The following SLC30A5 variants were observed in gnomAD, a reference collection of about 807,000 sequenced individuals.
SLC30A5 encodes the protein proton-coupled zinc antiporter SLC30A5.
A neutral mutation model predicts 79.6 loss-of-function variants in SLC30A5; 33 were observed. The observed-to-expected ratio is 0.41, with a 90% CI of 0.31 to 0.55. SLC30A5 has a LOEUF of 0.55. SLC30A5 is among the 20% of genes least tolerant of loss of function. The pLI is 0.20. For missense variants in SLC30A5, 788 were observed against 928.1 expected, an observed-to-expected ratio of 0.85 and a Z score of 1.96; for synonymous variants, 299 against 319.7, an observed-to-expected ratio of 0.94 and a Z score of 0.69.
At chr5:69,107,499 A>G (rs1452079008) in intron 4 of SLC30A5, among the ~76,000 whole-genome samples, 2 of 152,174 alleles carry the variant, frequency 1.3e-5, no homozygotes, top group Non-Finnish European at 1.5e-5. Flanking sequence ...ATAGTCATTT[A>G]TTATCATTAT....
chr5:69,097,525 T>C (rs1434064155), intron 1 of SLC30A5, among the ~76,000 whole-genome samples: 1 of 152,150 alleles, frequency 6.6e-6, no homozygotes, highest in Non-Finnish European at 1.5e-5. Flanking sequence ...TGGAGTGCAG[T>C]AAAATAATCA....
rs1039979368 is a variant in SLC30A5, at chr5:69,094,035, C to T, written c.-221C>T. On this transcript the variant is annotated 5_prime_UTR_variant, in exon 1 of 16. Coordinates refer to ENST00000396591, the MANE Select transcript of SLC30A5 (RefSeq NM_022902.5). ...CAACGTCCCTACCGCCGCTGCTTCC[C>T]GGGAACCTGGCGCCGCCGGAACTGA... 5 of 391,860 alleles carry T rather than the reference C, an allele frequency of 1.3e-5. No individual in the cohort carries two copies. Among genetic ancestry groups the T allele is most frequent in the Admixed American group, 8.9e-5 (2 of 22,450 alleles). The allele number at this position is 391,860 out of a possible 1,614,324, so 24.3% of individuals were successfully genotyped here.
At position 69,094,073 on chromosome 5, in the gene SLC30A5, C is replaced by T. The variant is rs1253690259; in HGVS notation, c.-183C>T. On this transcript the variant is annotated 5_prime_UTR_variant, in exon 1 of 16. Coordinates refer to ENST00000396591, the MANE Select transcript of SLC30A5 (RefSeq NM_022902.5). ...CCGCCGGAACTGATCGCGGCCTAGT[C>T]CCGACGCGTGTGTGCTAGTGAGCCG... 2.5e-6 allele frequency: 1 copy of T among 401,316 alleles called. No homozygotes were observed. The highest frequency in any genetic ancestry group is 4.4e-6 in the Non-Finnish European group (1 of 225,854). The allele number at this position is 401,316 out of a possible 1,614,324, so 24.9% of individuals were successfully genotyped here. A position where few individuals can be genotyped will look rare whatever the true frequency, so the allele number is the denominator to read the frequency against.
intron 7 of SLC30A5, 108 bp downstream of exon 7, chr5:69,114,604 C>A: frequency 1.3e-6 from 1 of 747,022 alleles, no homozygotes; most frequent in East Asian, 2.7e-5. Context: ...CAGTGGCTCA[C>A]GCCTGAAATC....
chr5:69,116,585 T>C lies in SLC30A5; in HGVS notation c.1264T>C (p.Phe422Leu). The C allele has an allele frequency of 6.4e-7, 1 of 1,560,060 alleles. No individual in the cohort carries two copies. ...GAGTGACTCTAGGCAGATCTTTTAC[T>C]TCTTGTGCTTGAATCTGGTAAGATT... Reference protein sequence around the residue: ...EESDSRQIFYFLCLNLLFTFV... With the variant: ...EESDSRQIFYLLCLNLLFTFV... The change falls in exon 10 of 16, where the codon TTC becomes CTC. Residue 422 changes from phenylalanine to leucine, a missense_variant. Transcript: ENST00000396591. This position sits in a 1 kb window ranked among gnomAD's most constrained non-coding sequence, Gnocchi z 4.0.
chr5:69,117,566 G>A (rs1372684336), intron 11 of SLC30A5, among the ~76,000 whole-genome samples, 170 bp downstream of exon 11: 2 of 152,146 alleles, frequency 1.3e-5, no homozygotes, highest in Non-Finnish European at 2.9e-5. Flanking sequence ...AATACTGAAT[G>A]GAATTAAGCT....
rs1746814026 is a variant in SLC30A5 at position 69,130,191 on chromosome 5, G to A, written c.*574G>A. 6.6e-6 allele frequency: 1 copy of A among 152,146 alleles called. No homozygotes were observed. Among genetic ancestry groups the A allele is most frequent in the Non-Finnish European group, 1.5e-5 (1 of 68,000 alleles). 9.4% of individuals were successfully genotyped at this position (152,146 alleles called of 1,614,324 possible). A position where few individuals can be genotyped will look rare whatever the true frequency, so the allele number is the denominator to read the frequency against. ...TGAGATAAGCAATGAGAATAGGGAA[G>A]TGTATAACATCACAGTTTTTGATGT... On this transcript the variant is annotated 3_prime_UTR_variant, in exon 16 of 16. Transcript: ENST00000396591.
rs1746371437 is a variant in SLC30A5 at position 69,116,283 on chromosome 5, A to C, written c.1072+69A>C. 1 of 1,507,688 alleles carries C rather than the reference A, an allele frequency of 6.6e-7. No homozygotes were observed. Among genetic ancestry groups the C allele is most frequent in the Admixed American group, 2.3e-5 (1 of 43,978 alleles). 93.4% of individuals were successfully genotyped at this position (1,507,688 alleles called of 1,614,324 possible). A position where few individuals can be genotyped will look rare whatever the true frequency, so the allele number is the denominator to read the frequency against. On this transcript the variant is annotated intron_variant, in intron 9 of 15. Coordinates refer to ENST00000396591, the MANE Select transcript of SLC30A5 (RefSeq NM_022902.5). This position sits in a 1 kb window ranked among gnomAD's most constrained non-coding sequence, Gnocchi z 4.0. ...ATGGATTTTGATGGTCACATCATTT[A>C]CTTATTTTGGGAAATTCTTCAGTGC...
At chr5:69,119,706 A>G (rs1266218460) in intron 12 of SLC30A5, among the ~76,000 whole-genome samples, 1 of 152,168 alleles carries the variant, frequency 6.6e-6, no homozygotes, top group Admixed American at 6.5e-5. Context: ...ATACATAAAC[A>G]TTCACACAAA....
At chr5:69,103,596 A>G (rs950736250) in intron 3 of SLC30A5, among the ~76,000 whole-genome samples, 3 of 152,214 alleles carry the variant, frequency 2.0e-5, no homozygotes, top group Non-Finnish European at 4.4e-5. Context: ...TAAAATGGAG[A>G]TAACAGTAAC....
chr5:69,106,257 T>C lies in SLC30A5; in HGVS notation c.359+1541T>C, dbSNP rs190054413. Among the ~76,000 whole-genome samples, 6 of 152,334 alleles carry C rather than the reference T, an allele frequency of 3.9e-5. No homozygotes were observed. In the South Asian group the frequency reaches 8.3e-4, roughly 21 times the overall value. ...CTGCAGCTTGGAGGGCTGAGAAAGC[T>C]AGCTGAATTTCCTAGCTTGGGAAGA... On this transcript the variant is annotated intron_variant, in intron 4 of 15. Transcript: ENST00000396591.
Position 69,094,296 on chromosome 5 carries a change from G to T in SLC30A5, c.41G>T (p.Gly14Val). The T allele has an allele frequency of 1.6e-6, 2 of 1,249,802 alleles. No individual in the cohort carries two copies. The highest frequency in any genetic ancestry group is 1.0e-6 in the Non-Finnish European group (1 of 987,984). The allele number at this position is 1,249,802 out of a possible 1,614,324, so 77.4% of individuals were successfully genotyped here. The change falls in exon 1 of 16, where the codon GGC (glycine) becomes GTC (valine). Residue 14 changes from glycine (G) to valine (V), a missense_variant. Gly to Val is a moderately radical substitution (Grantham distance 109). Coordinates refer to ENST00000396591, the MANE Select transcript of SLC30A5 (RefSeq NM_022902.5). ...KYGGDVLAGP[G>V]GGGGLGPVDV... ...GGCGGGGACGTGCTGGCCGGCCCCG[G>T]CGGCGGCGGCGGCCTTGGGCCGGTG...
At chr5:69,100,660 G>A in intron 1 of SLC30A5, 147 bp from the exon 2 acceptor site, 1 of 556,200 alleles carries the variant, frequency 1.8e-6, no homozygotes. Context: ...CGTGGATGGT[G>A]AGTTGTTTGG....
intron 13 of SLC30A5, among the ~76,000 whole-genome samples, chr5:69,122,611 G>A (rs1008547309): frequency 9.9e-5 from 15 of 152,220 alleles, no homozygotes; most frequent in African/African-American, 3.6e-4. Flanking sequence ...CCAAGATTAC[G>A]CCACTTTACT....
chr5:69,101,802 C>T (rs1284091723), intron 2 of SLC30A5, among the ~76,000 whole-genome samples: 2 of 150,138 alleles, frequency 1.3e-5, no homozygotes, highest in East Asian at 4.2e-4. Context: ...ACTAAAGATA[C>T]AAAAATTAGC....
chr5:69,125,870 C>CAAAAAAAAAAAAAAAAAAAAAAAAAAA (rs532994254), intron 14 of SLC30A5, among the ~76,000 whole-genome samples: 22 of 54,198 alleles, frequency 4.1e-4, no homozygotes, highest in East Asian at 1.2e-3. Context: ...GACTCCGTCT[C>CAAAAAAAAAAAAAAAAAAAAAAAAAAA]AAAAAAAAAA....
intron 2 of SLC30A5, among the ~76,000 whole-genome samples, chr5:69,101,721 C>T (rs993348186): frequency 2.0e-5 from 3 of 151,262 alleles, no homozygotes; most frequent in African/African-American, 4.8e-5. Context: ...CTTTGGGAGG[C>T]GGAGGCAGGT....
chr5:69,112,700 G>A (rs1746266099), intron 5 of SLC30A5, among the ~76,000 whole-genome samples: 1 of 151,718 alleles, frequency 6.6e-6, no homozygotes, highest in Admixed American at 6.6e-5. Context: ...AAATGACTTT[G>A]CTGGTTTTAC....
chr5:69,104,143 T>A, intron 3 of SLC30A5: 2 of 1,327,616 alleles, frequency 1.5e-6, no homozygotes, highest in African/African-American at 1.5e-5. Context: ...TTTTTTTTTT[T>A]CTTTCTTTTT....
Sources: allele counts gnomAD v4.1 joint callset (sites outside exome capture counted in the v4.1 genomes callset), GRCh38; gene constraint gnomAD v4.1.1; non-coding constraint Gnocchi (gnomAD v3.1); transcripts MANE v1.5; gene names NCBI Gene and HGNC (gene_info 2026-07-23, HGNC 2026-07-21).